Variants in NAE1 observed in about 807,000 individuals in gnomAD.
The protein encoded by NAE1 is NEDD8-activating enzyme E1 regulatory subunit.
NAE1 carries 59 observed loss-of-function variants against 88.0 expected under a neutral mutation model. The observed-to-expected ratio is 0.67, with a 90% confidence interval of 0.54 to 0.83. NAE1 has a LOEUF of 0.83. NAE1 is among the 40% of genes least tolerant of loss of function. The probability of loss-of-function intolerance (pLI) is 0.00; values close to 1 mark genes in which losing one functional copy is unlikely to be tolerated. For missense variants in NAE1, 554 were observed against 632.8 expected (o/e 0.88, Z 1.34); for synonymous variants, 186 against 208.9 (o/e 0.89, Z 0.95).
chr16:66,806,297 T>G (rs1959560990), intron 17 of NAE1, among the ~76,000 whole-genome samples: 1 of 152,264 alleles, frequency 6.6e-6, no homozygotes, highest in Non-Finnish European at 1.5e-5. Flanking sequence ...TGCTTAATAA[T>G]TATTTGATAG....
Position 66,802,928 on chromosome 16 carries a change from T to C in NAE1, c.*81A>G. The C allele has an allele frequency of 1.2e-6, 1 of 844,362 alleles. No individual in the cohort carries two copies. Among genetic ancestry groups the C allele is most frequent in the Non-Finnish European group, 2.0e-6 (1 of 508,170 alleles). The allele number at this position is 844,362 out of a possible 1,614,324, so 52.3% of individuals were successfully genotyped here. ...AGAAAACAATTTAGCAGCTCTCCTT[T>C]AGAATTTTACAGACTAAAGCACAAC... On this transcript the variant is annotated 3_prime_UTR_variant, in exon 20 of 20. Transcript: ENST00000290810.
intron 17 of NAE1, among the ~76,000 whole-genome samples, chr16:66,807,365 C>T (rs762362607): frequency 6.6e-6 from 1 of 152,018 alleles, no homozygotes; most frequent in Non-Finnish European, 1.5e-5. Flanking sequence ...CTCTGGGCAG[C>T]GCAGTGGCTC....
chr16:66,807,584 G>A (rs1959615565), intron 17 of NAE1, among the ~76,000 whole-genome samples: 1 of 151,676 alleles, frequency 6.6e-6, no homozygotes, highest in South Asian at 2.1e-4. Context: ...AGGTTGCAGT[G>A]AGCTGAGATC....
intron 1 of NAE1, 141 bp downstream of exon 1, chr16:66,830,705 CG>C (rs1387295199): frequency 2.7e-6 from 2 of 731,932 alleles, no homozygotes; most frequent in Non-Finnish European, 4.1e-6. Context: ...CTCCGAGCGC[CG>C]GCTTCCCGCG....
At chr16:66,821,040 G>GC (rs1396144657) in intron 7 of NAE1, among the ~76,000 whole-genome samples, 2 of 152,188 alleles carry the variant, frequency 1.3e-5, no homozygotes, top group African/African-American at 4.8e-5. Context: ...TTGTACTCCA[G>GC]CCTGGGCAAC....
intron 13 of NAE1, 146 bp downstream of exon 13, chr16:66,813,418 G>T: frequency 1.0e-6 from 1 of 986,328 alleles, no homozygotes; most frequent in Non-Finnish European, 1.4e-6. Context: ...TGGGATTACA[G>T]GCATGAGCCA....
chr16:66,810,468 G>T, intron 14 of NAE1, 55 bp from the exon 15 acceptor site: 1 of 1,497,086 alleles, frequency 6.7e-7, no homozygotes, highest in South Asian at 1.2e-5. Flanking sequence ...GATTAACAAA[G>T]GGTGCGGCAC....
At chr16:66,829,625 T>C (rs1259626343) in intron 1 of NAE1, among the ~76,000 whole-genome samples, 2 of 152,212 alleles carry the variant, frequency 1.3e-5, no homozygotes, top group Non-Finnish European at 2.9e-5. Flanking sequence ...TTCTGTTGTC[T>C]CAGAGGCTCC....
chr16:66,815,350 C>G (rs1220575216), intron 11 of NAE1, among the ~76,000 whole-genome samples: 1 of 152,126 alleles, frequency 6.6e-6, no homozygotes, highest in Non-Finnish European at 1.5e-5. Context: ...AAAAGTGATT[C>G]ACAAAGCACA....
At chr16:66,819,510 T>C (rs1960168764) in intron 7 of NAE1, among the ~76,000 whole-genome samples, 2 of 152,230 alleles carry the variant, frequency 1.3e-5, no homozygotes, top group South Asian at 4.1e-4. Context: ...CTCAGCATCA[T>C]CTATAAAAAG....
Position 66,818,579 on chromosome 16 carries a change from A to G in NAE1, c.570T>C (p.Pro190=). The part of the protein sequence containing the change: ...LEDLRLDKPF[P]ELREHFQSYD... ...AGGACTGAAAATGTTCTCTCAGTTC[A>G]GGAAATGGCTTATCTAGTCGTAGAT... The change falls in exon 8 of 20, where the codon CCT becomes CCC. Residue 190 remains proline, a synonymous_variant. Coordinates refer to ENST00000290810, the MANE Select transcript of NAE1 (RefSeq NM_003905.4). 6.2e-7 allele frequency: 1 copy of G among 1,613,374 alleles called. No homozygotes were observed. Among genetic ancestry groups the G allele is most frequent in the Non-Finnish European group, 8.5e-7 (1 of 1,179,702 alleles).
At chr16:66,824,603 A>AAT in intron 4 of NAE1, 1 of 280,622 alleles carries the variant, frequency 3.6e-6, no homozygotes, top group Non-Finnish European at 6.7e-6. Context: ...AAAAAAAAAA[A>AAT]TTTGTTAACC....
intron 17 of NAE1, among the ~76,000 whole-genome samples, chr16:66,806,760 C>G (rs1488275569): frequency 6.6e-6 from 1 of 152,130 alleles, no homozygotes; most frequent in Non-Finnish European, 1.5e-5. Context: ...GGACACTGTT[C>G]TAAGGACCTT....
rs1391006018 is a variant in NAE1, at chr16:66,824,865, C to G, written c.239G>C (p.Ser80Thr). Residue 80 changes from serine to threonine, a missense_variant, in exon 4 of 20, where the codon AGT becomes ACT. Ser to Thr is a moderately conservative substitution (Grantham distance 58, BLOSUM62 1). Coordinates refer to ENST00000290810, the MANE Select transcript of NAE1 (RefSeq NM_003905.4). The part of the protein sequence containing the change: ...AGNNFFLQRS[S>T]IGKNRAEAAM... The stretch of plus-strand genomic sequence containing the variant: ...TCTCTAATTGTTTACCTTGCCGATA[C>G]TGCTTCTTTGAAGGAAGAAACTAAA... The G allele has an allele frequency of 6.2e-7, 1 of 1,609,968 alleles. No individual in the cohort carries two copies. Among genetic ancestry groups the G allele is most frequent in the Non-Finnish European group, 8.5e-7 (1 of 1,177,678 alleles).
intron 13 of NAE1, among the ~76,000 whole-genome samples, 177 bp from the exon 14 acceptor site, chr16:66,810,949 C>G (rs1959772006): frequency 6.6e-6 from 1 of 152,138 alleles, no homozygotes; most frequent in Non-Finnish European, 1.5e-5. Flanking sequence ...GGGAATCTTT[C>G]CAGTGTTAGT....
At chr16:66,805,052 C>T (rs1371912638) in intron 19 of NAE1, among the ~76,000 whole-genome samples, 1 of 152,118 alleles carries the variant, frequency 6.6e-6, no homozygotes, top group Non-Finnish European at 1.5e-5. Context: ...AAAGACATGT[C>T]ATTTTTGAGT....
chr16:66,827,620 A>G (rs1597052104), intron 1 of NAE1: 1 of 196,414 alleles, frequency 5.1e-6, no homozygotes. Context: ...GATGCATTTA[A>G]GATCTCGACA....
intron 7 of NAE1, among the ~76,000 whole-genome samples, chr16:66,819,480 A>T (rs1960167943): frequency 6.6e-6 from 1 of 152,228 alleles, no homozygotes; most frequent in South Asian, 2.1e-4. Flanking sequence ...CCTTAGGCAA[A>T]TAATTTAATC....
Position 66,813,490 on chromosome 16 carries a change from G to A in NAE1, c.1034+74C>T, listed in dbSNP as rs567202889. ...TGTAATAAACTTTCATTTGATTTCT[G>A]ACAGGATGATAAAATGTTTATCTCT... On this transcript the variant is annotated intron_variant, in intron 13 of 19. Coordinates refer to ENST00000290810, the MANE Select transcript of NAE1 (RefSeq NM_003905.4). 1.5e-5 allele frequency: 22 copies of A among 1,479,386 alleles called. No homozygotes were observed. In the East Asian group the frequency reaches 4.3e-4, roughly 29 times the overall value. The allele number at this position is 1,479,386 out of a possible 1,614,324, so 91.6% of individuals were successfully genotyped here. A position where few individuals can be genotyped will look rare whatever the true frequency, so the allele number is the denominator to read the frequency against.
Sources: gnomAD v4.1 joint callset for allele counts (sites outside exome capture counted in the v4.1 genomes callset) on GRCh38, gnomAD v4.1.1 for gene constraint, MANE v1.5 for transcripts, NCBI Gene and HGNC (gene_info 2026-07-23, HGNC 2026-07-21) for gene names.